Variants in SYCP1 observed in about 807,000 individuals in gnomAD.
SYCP1 encodes cancer/testis antigen 8.
SYCP1 carries 64 observed loss-of-function variants against 153.1 expected under a neutral mutation model. The ratio of observed to expected loss-of-function variants is 0.42; its 90% CI spans 0.34 to 0.51. The LOEUF (loss-of-function observed/expected upper bound fraction) is 0.51. SYCP1 is among the 20% of genes least tolerant of loss of function. The pLI is 0.06. For synonymous variants in SYCP1, 384 were observed against 341.8 expected (o/e 1.12, Z -1.36); for missense variants, 997 against 1,049.0 (o/e 0.95, Z 0.68).
chr1:114,856,510 T>A, intron 2 of SYCP1, 63 bp from the exon 3 acceptor site: 2 of 1,126,622 alleles, frequency 1.8e-6, no homozygotes, highest in Non-Finnish European at 2.6e-6. Context: ...ATGTATATAT[T>A]ACACTATTAG....
chr1:114,864,942 C>T (rs1340549426), intron 8 of SYCP1, among the ~76,000 whole-genome samples: 1 of 151,952 alleles, frequency 6.6e-6, no homozygotes, highest in Non-Finnish European at 1.5e-5. Context: ...ATACATGTGC[C>T]ATGCTGGTGT....
At chr1:114,927,993 G>T (rs1044119444) in intron 23 of SYCP1, among the ~76,000 whole-genome samples, 1 of 151,954 alleles carries the variant, frequency 6.6e-6, no homozygotes, top group Non-Finnish European at 1.5e-5. Context: ...GCTAATTTTT[G>T]TATTTTTGGT....
At chr1:114,866,542 T>C (rs1006439730) in intron 8 of SYCP1, among the ~76,000 whole-genome samples, 1 of 152,184 alleles carries the variant, frequency 6.6e-6, no homozygotes, top group Non-Finnish European at 1.5e-5. Context: ...GTTTTCTTAT[T>C]GTTGAGTTTT....
chr1:114,929,858 A>G (rs886641456), intron 23 of SYCP1, among the ~76,000 whole-genome samples: 2 of 152,076 alleles, frequency 1.3e-5, no homozygotes, highest in African/African-American at 4.8e-5. Flanking sequence ...CTTGATTTAA[A>G]TGATATTTAT....
intron 27 of SYCP1, among the ~76,000 whole-genome samples, chr1:114,966,111 A>G (rs1044289993): frequency 5.3e-5 from 8 of 151,698 alleles, no homozygotes; most frequent in Non-Finnish European, 1.2e-4. Flanking sequence ...TTTCTTCTAG[A>G]TTTTCTAGTT....
chr1:114,937,611 C>T (rs1670110503), intron 23 of SYCP1, among the ~76,000 whole-genome samples: 4 of 152,108 alleles, frequency 2.6e-5, no homozygotes, highest in Admixed American at 2.0e-4. Flanking sequence ...AACAGGCAAC[C>T]TACAGAATGG....
At chr1:114,893,157 A>T (rs1425055449) in intron 15 of SYCP1, among the ~76,000 whole-genome samples, 1 of 152,152 alleles carries the variant, frequency 6.6e-6, no homozygotes, top group Admixed American at 6.5e-5. Flanking sequence ...GAGTGGGCAG[A>T]TGCCTCTAGT....
At position 114,944,525 on chromosome 1, in the gene SYCP1, G is replaced by A. The variant is rs570700579; in HGVS notation, c.2043+70G>A. The A allele has an allele frequency of 2.2e-4, 213 of 947,986 alleles. 3 individuals carry two copies. In the African/African-American group the frequency reaches 3.5e-3, roughly 16 times the overall value. 58.7% of individuals were successfully genotyped at this position (947,986 alleles called of 1,614,324 possible). ...TATATTTTTATTAGGATTTTAAGAG[G>A]AAAGTAAAAAAATCTTAACTATTAA... On this transcript the variant is annotated intron_variant, in intron 24 of 31. Coordinates refer to ENST00000369522, the MANE Select transcript of SYCP1 (RefSeq NM_003176.4).
intron 4 of SYCP1, 45 bp downstream of exon 4, chr1:114,857,320 G>A (rs756021665): frequency 3.2e-6 from 5 of 1,571,440 alleles, no homozygotes; most frequent in Non-Finnish European, 4.3e-6. Flanking sequence ...TTTAGGTAAT[G>A]AACTGCTTAT....
chr1:114,933,969 A>C (rs998127628), intron 23 of SYCP1, among the ~76,000 whole-genome samples: 33 of 152,304 alleles, frequency 2.2e-4, no homozygotes, highest in Admixed American at 6.5e-5. Flanking sequence ...AGAATGGAAC[A>C]AAGTTGGAAA....
chr1:114,919,557 G>A (rs1208346773), intron 20 of SYCP1, among the ~76,000 whole-genome samples: 1 of 151,840 alleles, frequency 6.6e-6, no homozygotes. Context: ...TTATTTTTTG[G>A]AATAGTTTCT....
intron 16 of SYCP1, among the ~76,000 whole-genome samples, chr1:114,907,966 A>T (rs986479426): frequency 6.6e-6 from 1 of 152,134 alleles, no homozygotes; most frequent in Non-Finnish European, 1.5e-5. Context: ...TTTTTTAAAT[A>T]ACTTGAAGAA....
chr1:114,863,658 C>G (rs1664526591), intron 8 of SYCP1, among the ~76,000 whole-genome samples: 2 of 152,070 alleles, frequency 1.3e-5, no homozygotes, highest in South Asian at 4.1e-4. Flanking sequence ...TCATTGTGGT[C>G]TGGATTTGCA....
intron 23 of SYCP1, among the ~76,000 whole-genome samples, chr1:114,939,815 AGC>A (rs888489611): frequency 1.3e-5 from 2 of 152,204 alleles, no homozygotes; most frequent in African/African-American, 4.8e-5. Flanking sequence ...CATCGACGAA[AGC>A]TACTGGGCCT....
At chr1:114,925,986 T>G (rs536477925) in intron 21 of SYCP1, among the ~76,000 whole-genome samples, 1 of 152,130 alleles carries the variant, frequency 6.6e-6, no homozygotes, top group South Asian at 2.1e-4. Flanking sequence ...AAAAAAGAGA[T>G]ACTGAGGCTG....
intron 23 of SYCP1, among the ~76,000 whole-genome samples, chr1:114,929,308 T>C (rs927359601): frequency 6.6e-6 from 1 of 151,754 alleles, no homozygotes; most frequent in Non-Finnish European, 1.5e-5. Flanking sequence ...AAAACAGATA[T>C]GAATAGAAGA....
chr1:114,940,179 C>A (rs895366542), intron 23 of SYCP1, among the ~76,000 whole-genome samples: 1 of 152,080 alleles, frequency 6.6e-6, no homozygotes, highest in African/African-American at 2.4e-5. Flanking sequence ...CTCACTGCAA[C>A]CTCTACCTCC....
chr1:114,885,512 CTATT>C lies in SYCP1; in HGVS notation c.911-19_911-16del, dbSNP rs1235385222. 3.0e-6 allele frequency: 4 copies of C among 1,351,550 alleles called. No homozygotes were observed. In the African/African-American group the frequency reaches 4.5e-5, roughly 15 times the overall value. 83.7% of individuals were successfully genotyped at this position (1,351,550 alleles called of 1,614,324 possible). ...GTATATATCTTCTGCTAAGTACTAT[CTATT>C]TATAACTTTCTCTTTTAGAATTACA... On this transcript the variant is annotated intron_variant, in intron 12 of 31. Transcript: ENST00000369522.
In SYCP1 at chr1:114,859,827, T is replaced by A. The variant is rs1382649971; in HGVS notation, c.524+17T>A. The A allele has an allele frequency of 1.5e-6, 1 of 677,460 alleles. No homozygotes were observed. 42.0% of individuals were successfully genotyped at this position (677,460 alleles called of 1,614,324 possible). A position where few individuals can be genotyped will look rare whatever the true frequency, so the allele number is the denominator to read the frequency against. On this transcript the variant is annotated intron_variant, in intron 7 of 31. Coordinates refer to ENST00000369522, the MANE Select transcript of SYCP1 (RefSeq NM_003176.4). ...AATAAAAGAGTAAGTAGTAATTTAATGAATTTGTTCTTTTCACATTTTTTA... is the reference window on the plus strand; with the variant it reads ...AATAAAAGAGTAAGTAGTAATTTAAAGAATTTGTTCTTTTCACATTTTTTA...
Sources: allele counts gnomAD v4.1 joint callset (sites outside exome capture counted in the v4.1 genomes callset), GRCh38; gene constraint gnomAD v4.1.1; transcripts MANE v1.5; gene names NCBI Gene and HGNC (gene_info 2026-07-23, HGNC 2026-07-21).